Variants in CTNNA3 observed in about 807,000 individuals in gnomAD.
CTNNA3 encodes catenin alpha 3.
CTNNA3 carries 76 observed loss-of-function variants against 95.7 expected under a neutral mutation model. The observed-to-expected ratio is 0.79, with a 90% confidence interval of 0.66 to 0.96. CTNNA3 has a LOEUF of 0.96. CTNNA3 is among the 40% of genes least tolerant of loss of function. The pLI is 0.00. For synonymous variants in CTNNA3, 431 were observed against 374.4 expected, an observed-to-expected ratio of 1.15 and a Z score of -1.74; for missense variants, 1,191 against 1,089.8, an observed-to-expected ratio of 1.09 and a Z score of -1.31.
intron 12 of CTNNA3, among the ~76,000 whole-genome samples, chr10:66,343,082 A>G (rs2092469656): frequency 6.6e-6 from 1 of 152,082 alleles, no homozygotes; most frequent in Admixed American, 6.6e-5. Flanking sequence ...CACATTGACA[A>G]GCCCTCTCAA....
intron 1 of CTNNA3, among the ~76,000 whole-genome samples, chr10:67,761,237 G>A (rs897826426): frequency 1.1e-4 from 17 of 152,242 alleles, no homozygotes; most frequent in South Asian, 2.1e-4. Flanking sequence ...CCCAAATGTC[G>A]TTATGAGGCA....
chr10:66,763,563 C>G (rs1262968610), intron 9 of CTNNA3, among the ~76,000 whole-genome samples: 1 of 152,056 alleles, frequency 6.6e-6, no homozygotes, highest in African/African-American at 2.4e-5. Context: ...ATAGATAAAG[C>G]AAATGAAACC....
At chr10:66,360,899 T>TCTC (rs1564897588) in intron 12 of CTNNA3, among the ~76,000 whole-genome samples, 5 of 107,806 alleles carry the variant, frequency 4.6e-5, no homozygotes, top group African/African-American at 1.4e-4. Flanking sequence ...CTTTATTTCT[T>TCTC]TCTCTCTCTC....
At chr10:67,077,099 C>G (rs144055418) in intron 7 of CTNNA3, among the ~76,000 whole-genome samples, 17 of 152,292 alleles carry the variant, frequency 1.1e-4, no homozygotes, top group African/African-American at 3.6e-4. Context: ...TGACCCTCTA[C>G]CTCAATCACT....
chr10:65,958,986 C>A (rs972019246), intron 17 of CTNNA3, among the ~76,000 whole-genome samples: 1 of 152,236 alleles, frequency 6.6e-6, no homozygotes, highest in South Asian at 2.1e-4. Context: ...GCCCTGCCCC[C>A]AGAGGTGAAG....
intron 9 of CTNNA3, among the ~76,000 whole-genome samples, chr10:66,685,343 ATATATATATTTTTTTTTTTTTTTTT>A (rs1847247260): frequency 1.5e-5 from 1 of 64,850 alleles, no homozygotes; most frequent in Non-Finnish European, 2.8e-5. Flanking sequence ...ATATATATAT[ATATATATATTTTTTTTTTTTTTTTT>A]TTTTTTTTTT....
At chr10:66,919,946 A>G (rs576080066) in intron 7 of CTNNA3, among the ~76,000 whole-genome samples, 21 of 152,216 alleles carry the variant, frequency 1.4e-4, no homozygotes, top group Admixed American at 4.6e-4. Flanking sequence ...TCTATTGGTG[A>G]AAGTACTTTA....
chr10:66,107,135 G>A (rs1040901548), intron 13 of CTNNA3, among the ~76,000 whole-genome samples: 9 of 152,148 alleles, frequency 5.9e-5, no homozygotes, highest in African/African-American at 2.2e-4. Flanking sequence ...TCTTCTTTAA[G>A]CTGGGCTGTC....
intron 7 of CTNNA3, among the ~76,000 whole-genome samples, chr10:67,066,112 C>G (rs1856059173): frequency 6.6e-6 from 1 of 151,448 alleles, no homozygotes; most frequent in African/African-American, 2.4e-5. Context: ...CATGAGGGAG[C>G]TGAGATGAGA....
rs1444299103 is a variant in CTNNA3, at chr10:66,790,682, C to T, written c.1048-15158G>A. Among the ~76,000 whole-genome samples the T allele has an allele frequency of 2.0e-5, 3 of 152,070 alleles. No individual in the cohort carries two copies. In the South Asian group the frequency reaches 6.2e-4, roughly 32 times the overall value. ...CTGGTAATTATATTTTTGTGGTATG[C>T]CATAACTAATCTTATTATATGAGTA... On this transcript the variant is annotated intron_variant, in intron 7 of 17. Coordinates refer to ENST00000433211, the MANE Select transcript of CTNNA3 (RefSeq NM_013266.4).
chr10:67,712,343 T>A (rs1184932219), intron 1 of CTNNA3, among the ~76,000 whole-genome samples: 1 of 152,208 alleles, frequency 6.6e-6, no homozygotes. Flanking sequence ...GCATAAATAA[T>A]GAGGAGCCAA....
At chr10:67,085,409 G>A (rs1237823629) in intron 7 of CTNNA3, among the ~76,000 whole-genome samples, 1 of 151,492 alleles carries the variant, frequency 6.6e-6, no homozygotes, top group African/African-American at 2.4e-5. Context: ...AAATGAGAGG[G>A]ACTAAAAGTA....
intron 5 of CTNNA3, among the ~76,000 whole-genome samples, chr10:67,283,868 A>G (rs1839494210): frequency 6.6e-6 from 1 of 152,188 alleles, no homozygotes; most frequent in South Asian, 2.1e-4. Context: ...CTTTTGAACA[A>G]TCATATTTCT....
chr10:65,987,124 A>AT (rs1015129169), intron 16 of CTNNA3, among the ~76,000 whole-genome samples: 1 of 152,146 alleles, frequency 6.6e-6, no homozygotes, highest in Admixed American at 6.5e-5. Flanking sequence ...GCTTCAGGAC[A>AT]TTGATTTTGG....
chr10:67,501,722 A>T (rs993227215), intron 5 of CTNNA3, among the ~76,000 whole-genome samples: 1 of 152,046 alleles, frequency 6.6e-6, no homozygotes, highest in South Asian at 2.1e-4. Context: ...TTGATCTTCA[A>T]TCTCTGATAT....
chr10:67,398,955 T>C (rs1844815959), intron 5 of CTNNA3, among the ~76,000 whole-genome samples: 1 of 152,182 alleles, frequency 6.6e-6, no homozygotes, highest in Admixed American at 6.5e-5. Flanking sequence ...TAAGCCTCTT[T>C]CCTTCATAAA....
At chr10:66,244,099 G>A (rs1248834891) in intron 13 of CTNNA3, among the ~76,000 whole-genome samples, 1 of 152,182 alleles carries the variant, frequency 6.6e-6, no homozygotes, top group Non-Finnish European at 1.5e-5. Context: ...ATGAACATTG[G>A]CAGTGGCCTG....
chr10:66,984,070 T>C (rs1253889612), intron 7 of CTNNA3, among the ~76,000 whole-genome samples: 2 of 152,178 alleles, frequency 1.3e-5, no homozygotes, highest in Non-Finnish European at 2.9e-5. Flanking sequence ...CTGTTTACAC[T>C]AGAGCCTGTG....
intron 7 of CTNNA3, chr10:67,177,045 C>T (rs1005194209): frequency 4.4e-6 from 2 of 452,740 alleles, no homozygotes; most frequent in Admixed American, 2.5e-5. Flanking sequence ...GTTACAGCAG[C>T]AATAGAAAAC....
Sources: allele counts gnomAD v4.1 joint callset (sites outside exome capture counted in the v4.1 genomes callset), GRCh38; gene constraint gnomAD v4.1.1; transcripts MANE v1.5; gene names NCBI Gene and HGNC (gene_info 2026-07-23, HGNC 2026-07-21).